The following MINK1 variants were observed in gnomAD, a reference collection of about 807,000 sequenced individuals.
MINK1 encodes the protein misshapen-like kinase 1.
MINK1 carries 46 observed loss-of-function variants against 178.4 expected under a neutral mutation model. The observed-to-expected ratio is 0.26, with a 90% CI of 0.20 to 0.33. MINK1 has a LOEUF of 0.33. Among genes scored for constraint, MINK1 ranks in the 10% least tolerant of loss-of-function variants. The pLI is 1.00. For missense variants in MINK1, 1,366 were observed against 1,814.9 expected (o/e 0.75, Z 4.49); for synonymous variants, 797 against 709.7 (o/e 1.12, Z -1.96).
chr17:4,897,237 A>G lies in MINK1; in HGVS notation c.3949A>G (p.Ser1317Gly). ...TGCCTCAGTCCGCTCTGGGGGCAGCAGCCAAGTTTACTTCATGACTCTGAA... is the reference window on the plus strand; with the variant it reads ...TGCCTCAGTCCGCTCTGGGGGCAGCGGCCAAGTTTACTTCATGACTCTGAA... ...FFASVRSGGS[S>G]QVYFMTLNRN... The change falls in exon 32 of 32, where the codon AGC (serine) becomes GGC (glycine). Residue 1317 changes from serine to glycine, a missense_variant. Transcript: ENST00000355280. 6.2e-7 allele frequency: 1 copy of G among 1,613,702 alleles called. No individual in the cohort carries two copies. The highest frequency in any genetic ancestry group is 8.5e-7 in the Non-Finnish European group (1 of 1,179,764).
chr17:4,856,510 G>A (rs79408694), intron 1 of MINK1, among the ~76,000 whole-genome samples: 2,088 of 152,076 alleles, frequency 0.014, 42 homozygotes, highest in African/African-American at 0.047. Flanking sequence ...GCCTGGCAGC[G>A]CGGGCTGGAG....
At chr17:4,872,282 A>T (rs1359019573) in intron 1 of MINK1, among the ~76,000 whole-genome samples, 1 of 150,860 alleles carries the variant, frequency 6.6e-6, no homozygotes, top group Non-Finnish European at 1.5e-5. Context: ...GTGAGCTGAG[A>T]TTGCACCACT....
At chr17:4,873,742 C>T (rs1441861377) in intron 1 of MINK1, among the ~76,000 whole-genome samples, 1 of 151,704 alleles carries the variant, frequency 6.6e-6, no homozygotes, top group Non-Finnish European at 1.5e-5. Flanking sequence ...CCTCAGCCTC[C>T]CAAGTAGCTG....
At chr17:4,863,135 C>T (rs1914434324) in intron 1 of MINK1, among the ~76,000 whole-genome samples, 1 of 152,234 alleles carries the variant, frequency 6.6e-6, no homozygotes. Context: ...ACCTGAATGG[C>T]AGCCCAGACA....
At chr17:4,848,272 A>G (rs186087146) in intron 1 of MINK1, among the ~76,000 whole-genome samples, 200 of 152,298 alleles carry the variant, frequency 1.3e-3, no homozygotes, top group African/African-American at 4.6e-3. Context: ...CTGCAACTGC[A>G]CAGACCTTGG....
At position 4,896,436 on chromosome 17, in the gene MINK1, GCCAGAT is replaced by G; in HGVS notation, c.3625_3630del (p.Gln1209_Ile1210del). 1.2e-6 allele frequency: 2 copies of G among 1,613,840 alleles called. No homozygotes were observed. The highest frequency in any genetic ancestry group is 1.7e-6 in the Non-Finnish European group (2 of 1,179,814). On this transcript the variant is annotated inframe_deletion, in exon 30 of 32. Coordinates refer to ENST00000355280, the MANE Select transcript of MINK1 (RefSeq NM_153827.5). The surrounding 1 kb of genome is among the most constrained non-coding windows in gnomAD (Gnocchi z 4.6). ...CCCCCTCCTTCTCCCCAGATCCAGA[GCCAGAT>G]CACGCCCCATGCCATCATCTTCCTC...
rs1411283155 is a variant in MINK1, at chr17:4,889,640, C to T, written c.1231-7C>T. 1 of 1,573,436 alleles carries T rather than the reference C, an allele frequency of 6.4e-7. No homozygotes were observed. Among genetic ancestry groups the T allele is most frequent in the Non-Finnish European group, 8.6e-7 (1 of 1,160,892 alleles). On this transcript the variant is annotated splice_region_variant and splice_polypyrimidine_tract_variant and intron_variant, in intron 12 of 31. Transcript: ENST00000355280. ...TGGTTCTTAAGACCACCTGGCTCTC[C>T]CCACAGCAACAGCGGCGGGAGCGGG... is the stretch of plus-strand genomic sequence containing the variant.
At chr17:4,867,138 G>GTTT (rs759995957) in intron 1 of MINK1, among the ~76,000 whole-genome samples, 1,768 of 64,852 alleles carry the variant, frequency 0.027, 259 homozygotes, top group African/African-American at 0.11. Flanking sequence ...TCTTAGGACT[G>GTTT]TTTTTTTTTT....
rs1013133946 is a variant in MINK1, at chr17:4,875,242, C to T, written c.58-3075C>T. ...CTTCCAGCTCTCAGGGTCAGAAAGA[C>T]CTCTTGTTAGCCCCCTGCACTGCAG... On this transcript the variant is annotated intron_variant, in intron 1 of 31. Coordinates refer to ENST00000355280, the MANE Select transcript of MINK1 (RefSeq NM_153827.5). 3.9e-5 allele frequency: 20 copies of T among 514,460 alleles called. 1 individual carries two copies. The highest frequency in any genetic ancestry group is 3.2e-4 in the Middle Eastern group (1 of 3,102). 31.9% of individuals were successfully genotyped at this position (514,460 alleles called of 1,614,324 possible).
chr17:4,869,828 T>C (rs1333954855), intron 1 of MINK1, among the ~76,000 whole-genome samples: 2 of 149,518 alleles, frequency 1.3e-5, no homozygotes, highest in East Asian at 3.9e-4. Flanking sequence ...TTTGTTTATT[T>C]ATTTATTTAT....
chr17:4,851,859 G>A (rs1193792175), intron 1 of MINK1, among the ~76,000 whole-genome samples: 1 of 152,024 alleles, frequency 6.6e-6, no homozygotes, highest in South Asian at 2.1e-4. Flanking sequence ...AATTAGCCGG[G>A]TGTGGTGGCT....
chr17:4,858,297 G>T (rs755133789), intron 1 of MINK1, among the ~76,000 whole-genome samples: 8 of 152,042 alleles, frequency 5.3e-5, no homozygotes, highest in East Asian at 1.9e-4. Context: ...CATCTGGGAG[G>T]GGGGAGGGCC....
chr17:4,860,145 G>C (rs1466881636), intron 1 of MINK1, among the ~76,000 whole-genome samples: 1 of 152,218 alleles, frequency 6.6e-6, no homozygotes, highest in Non-Finnish European at 1.5e-5. Flanking sequence ...ACTGTTAGTG[G>C]AATGAGGACG....
intron 1 of MINK1, among the ~76,000 whole-genome samples, chr17:4,862,938 G>A (rs1355214352): frequency 1.3e-5 from 2 of 152,062 alleles, no homozygotes; most frequent in African/African-American, 4.8e-5. Flanking sequence ...AGGAAGCTGA[G>A]GTGGGAGGAC....
intron 1 of MINK1, among the ~76,000 whole-genome samples, chr17:4,876,999 G>A (rs999200917): frequency 3.9e-5 from 6 of 151,936 alleles, no homozygotes; most frequent in Non-Finnish European, 7.4e-5. Context: ...TGAGGTGGAG[G>A]ATTGCTTGAG....
chr17:4,882,445 T>C (rs578033599), intron 4 of MINK1, among the ~76,000 whole-genome samples: 40 of 152,308 alleles, frequency 2.6e-4, no homozygotes, highest in African/African-American at 8.9e-4. Flanking sequence ...CTTGTTACTC[T>C]CTGTGCTGGA....
chr17:4,892,748 T>C lies in MINK1; in HGVS notation c.2291T>C (p.Leu764Pro). ...GGGCACCTCCCCCAGGCTGGCTCAC[T>C]GGAGCGGAACCGCGTGGGAGGTATG... ...SHGHLPQAGS[L>P]ERNRVGVSSK... The change falls in exon 19 of 32, where the codon CTG (leucine) becomes CCG (proline). Residue 764 changes from leucine to proline, a missense_variant. By Grantham distance (98) the Leu-to-Pro change is moderately conservative (BLOSUM62 -3). Coordinates refer to ENST00000355280, the MANE Select transcript of MINK1 (RefSeq NM_153827.5). 1 of 1,611,018 alleles carries C rather than the reference T, an allele frequency of 6.2e-7. No individual in the cohort carries two copies. Among genetic ancestry groups the C allele is most frequent in the Non-Finnish European group, 8.5e-7 (1 of 1,179,028 alleles).
Position 4,885,466 on chromosome 17 carries a change from C to T in MINK1, c.509-17C>T. 4 of 1,613,122 alleles carry T rather than the reference C, an allele frequency of 2.5e-6. No homozygotes were observed. The highest frequency in any genetic ancestry group is 2.2e-5 in the East Asian group (1 of 44,884). On this transcript the variant is annotated splice_polypyrimidine_tract_variant and intron_variant, in intron 6 of 31. Transcript: ENST00000355280. This position sits in a 1 kb window ranked among gnomAD's most constrained non-coding sequence, Gnocchi z 5.0. Reference sequence around the variant, plus strand: ...AGGTGACTCCCCACACTGACCCCTCCCTCTGTGTCTTCACAGTGGATTTTG... The same window carrying T: ...AGGTGACTCCCCACACTGACCCCTCTCTCTGTGTCTTCACAGTGGATTTTG...
At chr17:4,863,378 C>T (rs558584352) in intron 1 of MINK1, among the ~76,000 whole-genome samples, 2 of 152,318 alleles carry the variant, frequency 1.3e-5, no homozygotes, top group East Asian at 3.9e-4. Flanking sequence ...TCCATGCACT[C>T]TTTGGCATCT....
Sources: gnomAD v4.1 joint callset for allele counts (sites outside exome capture counted in the v4.1 genomes callset) on GRCh38, gnomAD v4.1.1 for gene constraint, Gnocchi (gnomAD v3.1) non-coding constraint, MANE v1.5 for transcripts, NCBI Gene and HGNC (gene_info 2026-07-23, HGNC 2026-07-21) for gene names.